The following ZC3H12B variants were observed in gnomAD, a reference collection of about 807,000 sequenced individuals.
ZC3H12B encodes zinc finger CCCH-type containing 12B.
A neutral mutation model predicts 43.9 loss-of-function variants in ZC3H12B; 7 were observed. The ratio of observed to expected loss-of-function variants is 0.16; its 90% CI spans 0.09 to 0.30. ZC3H12B has a LOEUF of 0.30. Ranked by LOEUF, ZC3H12B falls within the 10% of genes least tolerant of loss-of-function variation. The probability of loss-of-function intolerance (pLI) is 1.00; values close to 1 mark genes in which losing one functional copy is unlikely to be tolerated. For missense variants in ZC3H12B, 475 were observed against 670.2 expected, an observed-to-expected ratio of 0.71 and a Z score of 3.22; for synonymous variants, 222 against 241.7, an observed-to-expected ratio of 0.92 and a Z score of 0.76.
chrX:65,107,340 G>C, the ZC3H12B span, among the ~76,000 whole-genome samples: 1 of 111,140 alleles, frequency 9.0e-6, no homozygotes, highest in African/African-American at 3.3e-5. Flanking sequence ...TCAGTTATGA[G>C]ACAATAAAGA....
the ZC3H12B span, among the ~76,000 whole-genome samples, chrX:65,319,102 G>T: frequency 9.0e-6 from 1 of 111,221 alleles, no homozygotes; most frequent in Non-Finnish European, 1.9e-5. Flanking sequence ...CAAGGAAATT[G>T]AGTTGTGAAA....
At chrX:65,376,837 A>C (rs777368705) in intron 2 of ZC3H12B, among the ~76,000 whole-genome samples, 1 of 110,854 alleles carries the variant, frequency 9.0e-6, no homozygotes, top group South Asian at 3.8e-4. Flanking sequence ...ACTACAATAA[A>C]TATGTAACTT....
chrX:65,498,113 C>A (rs938748286), intron 2 of ZC3H12B, among the ~76,000 whole-genome samples: 1 of 110,951 alleles, frequency 9.0e-6, no homozygotes. Context: ...CCATGTTGCC[C>A]AAGCTGGTCT....
chrX:65,383,218 G>A (rs1196917365), intron 2 of ZC3H12B, among the ~76,000 whole-genome samples: 4 of 112,121 alleles, frequency 3.6e-5, no homozygotes, highest in African/African-American at 1.3e-4. Context: ...CAAGGCTACA[G>A]TAACCAAAAC....
At chrX:65,230,440 C>T in the ZC3H12B span, among the ~76,000 whole-genome samples, 1 of 108,338 alleles carries the variant, frequency 9.2e-6, no homozygotes, top group Non-Finnish European at 1.9e-5. Context: ...TGCTAAATGA[C>T]GAGTTAATGG....
the ZC3H12B span, among the ~76,000 whole-genome samples, chrX:65,189,721 C>A: frequency 2.8e-5 from 3 of 108,628 alleles, no homozygotes; most frequent in African/African-American, 1.0e-4. Flanking sequence ...GAGTAGGTTG[C>A]GAAAATTTTC....
rs561781720 is a variant in ZC3H12B, at chrX:65,368,879, A to G, written n.176A>G. On this transcript the variant is annotated non_coding_transcript_exon_variant, in exon 2 of 6. An upstream start codon of the reference 5' UTR is lost. Coordinates refer to the ZC3H12B transcript ENST00000617377. ...GCCTCAGCAACAGAGGATAAAAGTC[A>G]TGTTGTGATGGATAAGTCACAAAAG... The G allele has an allele frequency of 8.9e-6, 1 of 112,413 alleles. No individual in the cohort carries two copies. The highest frequency in any genetic ancestry group is 3.7e-4 in the South Asian group (1 of 2,728). The allele number at this position is 112,413 out of a possible 1,213,427, so 9.3% of individuals were successfully genotyped here.
chrX:65,477,232 C>T (rs763062529), intron 3 of ZC3H12B, among the ~76,000 whole-genome samples: 1 of 109,371 alleles, frequency 9.1e-6, no homozygotes, highest in Non-Finnish European at 1.9e-5. Flanking sequence ...TCTAGGGGAT[C>T]CAAGGCAGGG....
At chrX:65,098,010 G>A in the ZC3H12B span, among the ~76,000 whole-genome samples, 1 of 110,926 alleles carries the variant, frequency 9.0e-6, no homozygotes, top group Admixed American at 9.6e-5. Context: ...CTGTTTGATG[G>A]GTCATATGTC....
chrX:65,140,937 C>T, the ZC3H12B span, among the ~76,000 whole-genome samples: 71 of 111,399 alleles, frequency 6.4e-4, no homozygotes, highest in Admixed American at 2.0e-3. Context: ...TTTCTGATTT[C>T]GAGGCTTCTC....
chrX:65,095,352 G>T, the ZC3H12B span, among the ~76,000 whole-genome samples: 1 of 111,457 alleles, frequency 9.0e-6, no homozygotes, highest in African/African-American at 3.3e-5. Flanking sequence ...GTTGTAATTT[G>T]ATCCTGACAA....
At chrX:65,228,983 C>T in the ZC3H12B span, among the ~76,000 whole-genome samples, 3 of 111,386 alleles carry the variant, frequency 2.7e-5, no homozygotes, top group Non-Finnish European at 5.7e-5. Flanking sequence ...GATTCCATGC[C>T]ATCCCCATCA....
At chrX:65,129,267 A>G in the ZC3H12B span, among the ~76,000 whole-genome samples, 1 of 90,909 alleles carries the variant, frequency 1.1e-5, no homozygotes, top group Non-Finnish European at 1.9e-5. Context: ...GTATATATAT[A>G]TATATACATA....
chrX:65,216,333 G>T, the ZC3H12B span, among the ~76,000 whole-genome samples: 132 of 111,197 alleles, frequency 1.2e-3, no homozygotes, highest in Non-Finnish European at 2.2e-3. Context: ...AGCGTAGTGA[G>T]TGTGGGACTT....
At chrX:65,312,270 C>T in the ZC3H12B span, among the ~76,000 whole-genome samples, 1 of 111,841 alleles carries the variant, frequency 8.9e-6, no homozygotes, top group Admixed American at 9.5e-5. Flanking sequence ...AATCTGAAGA[C>T]AGGCTGGAAT....
intron 3 of ZC3H12B, among the ~76,000 whole-genome samples, chrX:65,426,991 C>T (rs1011942312): frequency 9.0e-6 from 1 of 111,556 alleles, no homozygotes; most frequent in African/African-American, 3.3e-5. Flanking sequence ...TGATCCAGAG[C>T]TAAGTTCAGG....
the ZC3H12B span, chrX:65,328,543 A>G: frequency 4.2e-5 from 8 of 191,509 alleles, no homozygotes; most frequent in South Asian, 3.3e-4. Context: ...TATGTATCAC[A>G]TTGTCTTTAT....
intron 1 of ZC3H12B, among the ~76,000 whole-genome samples, 184 bp from the exon 7 acceptor site, chrX:65,496,948 C>CAA (rs373400545): frequency 9.8e-5 from 4 of 40,885 alleles, no homozygotes; most frequent in Non-Finnish European, 1.8e-4. Flanking sequence ...AAAGTGAGAC[C>CAA]AAAAAAAAAA....
the ZC3H12B span, among the ~76,000 whole-genome samples, chrX:65,352,472 A>C: frequency 4.5e-5 from 5 of 111,385 alleles, no homozygotes; most frequent in Non-Finnish European, 9.4e-5. Flanking sequence ...TAATTTAAAA[A>C]AAAAAAAAGA....
Sources: gnomAD v4.1 joint callset for allele counts (sites outside exome capture counted in the v4.1 genomes callset) on GRCh38, gnomAD v4.1.1 for gene constraint, MANE v1.5 for transcripts, NCBI Gene and HGNC (gene_info 2026-07-23, HGNC 2026-07-21) for gene names.